Variants in SYNE2 observed in about 807,000 individuals in gnomAD.
SYNE2 encodes the protein spectrin repeat containing nuclear envelope protein 2.
In SYNE2, 431 loss-of-function variants were observed where a neutral mutation model predicts 856.3. The ratio of observed to expected loss-of-function variants is 0.50; its 90% CI spans 0.47 to 0.55. SYNE2 has a LOEUF of 0.55. SYNE2 is among the 20% of genes least tolerant of loss of function. SYNE2 has a pLI of 0.00. For missense variants in SYNE2, 8,129 were observed against 8,023.2 expected (o/e 1.01, Z -0.50); for synonymous variants, 2,923 against 2,872.3 (o/e 1.02, Z -0.56).
chr14:64,192,073 CGTGTG>C (rs2098521254), intron 99 of SYNE2, among the ~76,000 whole-genome samples: 1 of 152,052 alleles, frequency 6.6e-6, no homozygotes, highest in African/African-American at 2.4e-5. Context: ...ACTCTTAGGT[CGTGTG>C]TTTATTGAGT....
Position 64,219,358 on chromosome 14 carries a change from C to T in SYNE2, c.19808C>T (p.Ala6603Val), listed in dbSNP as rs1414106840. 1 of 1,613,934 alleles carries T rather than the reference C, an allele frequency of 6.2e-7. No individual in the cohort carries two copies. Among genetic ancestry groups the T allele is most frequent in the Non-Finnish European group, 8.5e-7 (1 of 1,180,020 alleles). ...TEAELEMLKM[A>V]KPPSDIQEIE... ...GCAGAGCTGGAAATGTTAAAGATGG[C>T]AAAGCCTCCCTCTGATATCCAGGAA... Residue 6603 changes from alanine (A) to valine (V), a missense_variant, in exon 110 of 116, where the codon GCA becomes GTA. Coordinates refer to ENST00000555002, the MANE Select transcript of SYNE2 (RefSeq NM_182914.3).
chr14:63,800,247 G>A (rs970601621), intron 1 of SYNE2, among the ~76,000 whole-genome samples: 19 of 151,198 alleles, frequency 1.3e-4, no homozygotes, highest in African/African-American at 4.6e-4. Flanking sequence ...TTTTTGAGAC[G>A]GAGTCTCCTT....
chr14:64,006,961 G>A, intron 30 of SYNE2, 82 bp from the exon 31 acceptor site: 1 of 1,101,042 alleles, frequency 9.1e-7, no homozygotes, highest in South Asian at 1.3e-5. Flanking sequence ...TAAAGTTAGT[G>A]TGCCTCCCCA....
intron 1 of SYNE2, among the ~76,000 whole-genome samples, chr14:63,809,078 G>C (rs542129806): frequency 6.6e-6 from 1 of 152,188 alleles, no homozygotes; most frequent in East Asian, 1.9e-4. Context: ...CACTGAACTT[G>C]GCTGCTTTGC....
intron 1 of SYNE2, among the ~76,000 whole-genome samples, chr14:63,859,985 C>CTTCCTTCG (rs1893100716): frequency 7.2e-6 from 1 of 138,770 alleles, no homozygotes; most frequent in Non-Finnish European, 1.6e-5. Context: ...TCCTCCCTTC[C>CTTCCTTCG]TTCCTTCGTT....
intron 1 of SYNE2, among the ~76,000 whole-genome samples, chr14:63,776,001 G>GTA (rs2139720918): frequency 6.6e-6 from 1 of 152,276 alleles, no homozygotes; most frequent in East Asian, 1.9e-4. Flanking sequence ...CTATATCAAT[G>GTA]TATTGTTTTT....
chr14:64,084,967 A>T (rs1051307841), intron 57 of SYNE2: 2 of 702,336 alleles, frequency 2.8e-6, no homozygotes, highest in East Asian at 5.4e-5. Flanking sequence ...CTACTTACAG[A>T]CACGTGGGCT....
At chr14:63,837,403 G>C (rs1889894093) in intron 1 of SYNE2, among the ~76,000 whole-genome samples, 1 of 151,984 alleles carries the variant, frequency 6.6e-6, no homozygotes, top group African/African-American at 2.4e-5. Flanking sequence ...TTTCTTAATA[G>C]AATACCAAAA....
chr14:63,852,163 A>G (rs1334502072), upstream of SYNE2, among the ~76,000 whole-genome samples: 1 of 152,100 alleles, frequency 6.6e-6, no homozygotes, highest in Non-Finnish European at 1.5e-5. Context: ...TAGAAACTCA[A>G]TAGAGAAATA....
intron 23 of SYNE2, 82 bp from the exon 24 acceptor site, chr14:63,996,865 C>A: frequency 1.5e-6 from 2 of 1,299,648 alleles, no homozygotes; most frequent in Non-Finnish European, 2.2e-6. Flanking sequence ...TAAAACTACA[C>A]ACATCTGTTA....
At chr14:64,165,722 C>T (rs1013493339) in intron 90 of SYNE2, among the ~76,000 whole-genome samples, 1 of 152,080 alleles carries the variant, frequency 6.6e-6, no homozygotes, top group African/African-American at 2.4e-5. Context: ...CCATATTGGC[C>T]AAGCTGGTCT....
intron 9 of SYNE2, among the ~76,000 whole-genome samples, chr14:63,963,350 G>A (rs2096347512): frequency 6.6e-6 from 1 of 152,194 alleles, no homozygotes; most frequent in Admixed American, 6.5e-5. Context: ...AAGGAAGAGT[G>A]GAAATAAGAT....
intron 73 of SYNE2, 151 bp downstream of exon 73, chr14:64,126,958 C>G (rs2097952290): frequency 4.0e-6 from 4 of 1,010,074 alleles, no homozygotes. Context: ...GGTTGGAGAT[C>G]ATTTGAAAGT....
At chr14:63,970,225 G>C (rs1421016721) in intron 11 of SYNE2, among the ~76,000 whole-genome samples, 1 of 151,456 alleles carries the variant, frequency 6.6e-6, no homozygotes, top group Non-Finnish European at 1.5e-5. Context: ...ATCTCACTCT[G>C]TTGTCCAGAC....
chr14:63,809,843 A>T (rs1374678667), intron 1 of SYNE2, among the ~76,000 whole-genome samples: 2 of 152,158 alleles, frequency 1.3e-5, no homozygotes, highest in Admixed American at 6.6e-5. Context: ...CTGAAATCAA[A>T]TGGAGGTCTT....
intron 9 of SYNE2, 94 bp downstream of exon 9, chr14:63,961,719 T>A: frequency 1.1e-6 from 1 of 888,070 alleles, no homozygotes; most frequent in Non-Finnish European, 1.8e-6. Context: ...ATACAGAACT[T>A]AAATGTACAG....
At position 63,940,650 on chromosome 14, in the gene SYNE2, G is replaced by C. The variant is rs765449216; in HGVS notation, c.116G>C (p.Cys39Ser). ...GACACCCAGAAGAAAGCCTTCACGT[G>C]CTGGATAAACTCACAGTTGGCCAGG... ...QEDTQKKAFT[C>S]WINSQLARHT... The change falls in exon 3 of 116, where the codon TGC becomes TCC. Residue 39 changes from cysteine (C) to serine (S), a missense_variant. Coordinates refer to ENST00000555002, the MANE Select transcript of SYNE2 (RefSeq NM_182914.3). The C allele has an allele frequency of 6.2e-7, 1 of 1,614,112 alleles. No homozygotes were observed. The highest frequency in any genetic ancestry group is 8.5e-7 in the Non-Finnish European group (1 of 1,179,994).
Position 64,188,605 on chromosome 14 carries a change from A to T in SYNE2, c.17768A>T (p.Asn5923Ile). ...AGACTCAATACATGGGTTGTATTCA[A>T]TGAAAAAAATAAAGAGTTGTGTGCC... Reference protein sequence around the residue: ...EDRLNTWVVFNEKNKELCAWL... With the variant: ...EDRLNTWVVFIEKNKELCAWL... Residue 5923 changes from asparagine to isoleucine, a missense_variant, in exon 98 of 116, where the codon AAT becomes ATT. By Grantham distance (149) the Asn-to-Ile change is moderately radical. This residue lies in a region of SYNE2 where 5,410 missense variants were observed against 5,284.8 expected (regional missense o/e 1.02). Transcript: ENST00000555002. The T allele has an allele frequency of 6.2e-7, 1 of 1,614,240 alleles. No homozygotes were observed. The highest frequency in any genetic ancestry group is 8.5e-7 in the Non-Finnish European group (1 of 1,180,034).
chr14:64,209,628 G>A (rs374393154), intron 102 of SYNE2, 50 bp downstream of exon 102: 197 of 1,608,192 alleles, frequency 1.2e-4, no homozygotes, highest in Non-Finnish European at 1.6e-4. Flanking sequence ...AGCCTGCAGC[G>A]AGCCTGGGGG....
Sources: allele counts gnomAD v4.1 joint callset (sites outside exome capture counted in the v4.1 genomes callset), GRCh38; gene constraint gnomAD v4.1.1; regional missense constraint gnomAD v4.1.1; transcripts MANE v1.5; gene names NCBI Gene and HGNC (gene_info 2026-07-23, HGNC 2026-07-21).